NPAT: variants seen among roughly 807,000 people sequenced by gnomAD.
NPAT encodes the protein nuclear protein, coactivator of histone transcription.
Under a neutral mutation model 130.7 loss-of-function variants are expected in NPAT, and 52 were observed. The ratio of observed to expected loss-of-function variants is 0.40; its 90% confidence interval spans 0.32 to 0.50. NPAT has a LOEUF of 0.50. NPAT is among the 20% of genes least tolerant of loss of function. The pLI, the probability that NPAT is intolerant of heterozygous loss-of-function variation, is 0.68. For missense variants in NPAT, 1,687 were observed against 1,662.6 expected, an observed-to-expected ratio of 1.01 and a Z score of -0.26; for synonymous variants, 580 against 584.8, an observed-to-expected ratio of 0.99 and a Z score of 0.12.
At chr11:108,197,891 A>C (rs1164116079) in intron 1 of NPAT, among the ~76,000 whole-genome samples, 1 of 152,218 alleles carries the variant, frequency 6.6e-6, no homozygotes, top group Non-Finnish European at 1.5e-5. Context: ...CTCTGCATGA[A>C]AGTTGAGACA....
chr11:108,211,699 C>T (rs752786149), intron 1 of NPAT, among the ~76,000 whole-genome samples: 15 of 152,198 alleles, frequency 9.9e-5, no homozygotes, highest in African/African-American at 1.9e-4. Context: ...ATATCCCTAA[C>T]GTAAAAGACG....
At chr11:108,191,983 A>G (rs769261608) in intron 4 of NPAT, 135 bp downstream of exon 4, 32 of 720,658 alleles carry the variant, frequency 4.4e-5, no homozygotes, top group Non-Finnish European at 7.2e-5. Context: ...TAACCTCCAC[A>G]GTACCAGCAA....
intron 10 of NPAT, among the ~76,000 whole-genome samples, chr11:108,178,735 G>A (rs1289672775): frequency 6.6e-6 from 1 of 152,168 alleles, no homozygotes; most frequent in Non-Finnish European, 1.5e-5. Flanking sequence ...GCGCATGCCT[G>A]TAATCCCAGC....
chr11:108,167,040 C>T (rs1021732332), intron 15 of NPAT, among the ~76,000 whole-genome samples: 16 of 152,150 alleles, frequency 1.1e-4, no homozygotes, highest in Admixed American at 3.3e-4. Flanking sequence ...TTGTATAACA[C>T]TTAATAGGTG....
chr11:108,203,159 G>C (rs1378430739), intron 1 of NPAT, among the ~76,000 whole-genome samples: 1 of 152,172 alleles, frequency 6.6e-6, no homozygotes, highest in East Asian at 1.9e-4. Flanking sequence ...CTTCAAAGCT[G>C]GGTTTAATTC....
At chr11:108,183,779 A>G (rs1175792148) in intron 10 of NPAT, among the ~76,000 whole-genome samples, 1 of 152,140 alleles carries the variant, frequency 6.6e-6, no homozygotes, top group African/African-American at 2.4e-5. Flanking sequence ...TGGGTGACAC[A>G]GCGAGACACC....
intron 4 of NPAT, among the ~76,000 whole-genome samples, chr11:108,190,818 A>T (rs1211394988): frequency 1.3e-5 from 2 of 152,350 alleles, no homozygotes; most frequent in East Asian, 3.9e-4. Context: ...CATGCCTGCA[A>T]TCCCAGCACC....
intron 13 of NPAT, among the ~76,000 whole-genome samples, chr11:108,170,871 G>A (rs1017959220): frequency 3.9e-5 from 6 of 152,008 alleles, no homozygotes; most frequent in African/African-American, 1.2e-4. Flanking sequence ...GTAACAGCAC[G>A]TAAAACAGAC....
chr11:108,182,404 A>G (rs1248719706), intron 10 of NPAT, among the ~76,000 whole-genome samples: 2 of 152,188 alleles, frequency 1.3e-5, no homozygotes, highest in African/African-American at 4.8e-5. Context: ...CAGCTTTCAG[A>G]GGGACTTTCA....
At chr11:108,177,247 T>G (rs1244320047) in intron 10 of NPAT, among the ~76,000 whole-genome samples, 157 bp from the exon 11 acceptor site, 1 of 152,092 alleles carries the variant, frequency 6.6e-6, no homozygotes, top group Non-Finnish European at 1.5e-5. Context: ...CTGAAATTCC[T>G]GGGCTCAACT....
intron 1 of NPAT, among the ~76,000 whole-genome samples, chr11:108,198,048 C>T (rs1331833738): frequency 1.3e-5 from 2 of 152,202 alleles, no homozygotes; most frequent in African/African-American, 4.8e-5. Context: ...AAAGCACACA[C>T]AGACCCCCTT....
At chr11:108,198,281 T>C (rs888614720) in intron 1 of NPAT, among the ~76,000 whole-genome samples, 1 of 152,168 alleles carries the variant, frequency 6.6e-6, no homozygotes, top group Non-Finnish European at 1.5e-5. Context: ...CAAAATATTA[T>C]GAGATATGCA....
chr11:108,213,072 G>A (rs761307019), intron 1 of NPAT, among the ~76,000 whole-genome samples: 4 of 151,720 alleles, frequency 2.6e-5, no homozygotes, highest in Non-Finnish European at 5.9e-5. Context: ...TCGGGAGTTC[G>A]AGACCAGCCT....
chr11:108,197,933 T>C (rs959349282), intron 1 of NPAT, among the ~76,000 whole-genome samples: 2 of 152,348 alleles, frequency 1.3e-5, no homozygotes, highest in Non-Finnish European at 1.5e-5. Flanking sequence ...TTATGCCCTT[T>C]GGGAATCAAA....
intron 1 of NPAT, among the ~76,000 whole-genome samples, chr11:108,217,763 C>G (rs1333489852): frequency 6.6e-6 from 1 of 152,060 alleles, no homozygotes; most frequent in Non-Finnish European, 1.5e-5. Flanking sequence ...GAGGCCGAGG[C>G]GCATGGATCA....
Position 108,197,400 on chromosome 11 carries a change from G to A in NPAT, c.58C>T (p.Leu20Phe), listed in dbSNP as rs2134875281. ...ATAAAAGTCTGGCAGGTAGAAATGAGGTTTTCTTGCTGTAAGTAACCTAAA... is the reference window on the plus strand; with the variant it reads ...ATAAAAGTCTGGCAGGTAGAAATGAAGTTTTCTTGCTGTAAGTAACCTAAA... The part of the protein sequence containing the change: ...LVLGYLQQEN[L>F]ISTCQTFILE... The change falls in exon 2 of 18, where the codon CTC becomes TTC. Residue 20 changes from leucine (L) to phenylalanine (F), a missense_variant. Leu to Phe is a conservative substitution (Grantham distance 22, BLOSUM62 0). This residue lies in a region of NPAT where 307 missense variants were observed against 298.9 expected (regional missense o/e 1.03). Transcript: ENST00000278612. The A allele has an allele frequency of 6.2e-6, 10 of 1,609,296 alleles. No homozygotes were observed. The highest frequency in any genetic ancestry group is 8.5e-6 in the Non-Finnish European group (10 of 1,175,752).
chr11:108,201,212 G>C (rs547588281), intron 1 of NPAT, among the ~76,000 whole-genome samples: 1 of 152,292 alleles, frequency 6.6e-6, no homozygotes, highest in Non-Finnish European at 1.5e-5. Context: ...AGGGGACCAG[G>C]GAACTAGGTG....
At chr11:108,201,875 T>G (rs139891236) in intron 1 of NPAT, among the ~76,000 whole-genome samples, 1 of 152,314 alleles carries the variant, frequency 6.6e-6, no homozygotes, top group East Asian at 1.9e-4. Context: ...CAGATAGTAG[T>G]GCAAACCTAT....
chr11:108,214,745 G>C (rs538603165), intron 1 of NPAT, among the ~76,000 whole-genome samples: 1 of 150,636 alleles, frequency 6.6e-6, no homozygotes, highest in Non-Finnish European at 1.5e-5. Context: ...CGATTCTCCT[G>C]CCTCAGCCTC....
Sources: gnomAD v4.1 joint callset for allele counts (sites outside exome capture counted in the v4.1 genomes callset) on GRCh38, gnomAD v4.1.1 for gene constraint, gnomAD v4.1.1 regional missense constraint, MANE v1.5 for transcripts, NCBI Gene and HGNC (gene_info 2026-07-23, HGNC 2026-07-21) for gene names.